TMEM117: variants seen among roughly 807,000 people sequenced by gnomAD.
TMEM117 encodes the protein transmembrane protein 117.
TMEM117 carries 27 observed loss-of-function variants against 52.4 expected under a neutral mutation model. That is an observed-to-expected ratio of 0.51 (90% CI 0.38 to 0.71). The LOEUF (loss-of-function observed/expected upper bound fraction) is 0.71, where lower values mean the gene tolerates loss of function less well. Ranked by LOEUF, TMEM117 falls within the 30% of genes least tolerant of loss-of-function variation. The pLI, the probability that TMEM117 is intolerant of heterozygous loss-of-function variation, is 0.00. For synonymous variants in TMEM117, 215 were observed against 206.3 expected (o/e 1.04, Z -0.36); for missense variants, 556 against 630.5 (o/e 0.88, Z 1.26).
intron 4 of TMEM117, among the ~76,000 whole-genome samples, chr12:44,201,196 CAA>C (rs539906641): frequency 5.5e-4 from 84 of 152,088 alleles, no homozygotes; most frequent in Middle Eastern, 3.4e-3. Context: ...GAAGATGAAA[CAA>C]GAGATGGTGG....
intron 2 of TMEM117, among the ~76,000 whole-genome samples, chr12:43,933,949 G>T (rs551414576): frequency 6.6e-6 from 1 of 152,228 alleles, no homozygotes; most frequent in Non-Finnish European, 1.5e-5. Flanking sequence ...AAAGAATTTT[G>T]ATTATTAAAT....
upstream of TMEM117, among the ~76,000 whole-genome samples, chr12:43,835,393 T>C (rs959331576): frequency 3.9e-5 from 6 of 152,236 alleles, no homozygotes; most frequent in African/African-American, 1.2e-4. Context: ...TATGCATGTG[T>C]ATACGTGTGC....
Position 44,268,277 on chromosome 12 carries a change from G to A in TMEM117, c.609-31303G>A, listed in dbSNP as rs150721285. Among the ~76,000 whole-genome samples the A allele has an allele frequency of 2.4e-3, 365 of 151,944 alleles. 11 individuals are homozygous for A. In the East Asian group the frequency reaches 0.035, roughly 15 times the overall value. On this transcript the variant is annotated intron_variant, in intron 5 of 7. Transcript: ENST00000266534. ...CTCAAGCTCCCAAGTAGCTAGGACTGCAGACATGCACCGCCATGCCTGGCT... is the reference window on the plus strand; with the variant it reads ...CTCAAGCTCCCAAGTAGCTAGGACTACAGACATGCACCGCCATGCCTGGCT...
intron 3 of TMEM117, among the ~76,000 whole-genome samples, chr12:44,045,828 G>C (rs1388841412): frequency 6.6e-6 from 1 of 152,098 alleles, no homozygotes; most frequent in African/African-American, 2.4e-5. Context: ...GGGCGACCGT[G>C]CGAGACTCAA....
At chr12:43,955,342 G>T (rs955614356) in intron 3 of TMEM117, among the ~76,000 whole-genome samples, 2 of 152,146 alleles carry the variant, frequency 1.3e-5, no homozygotes, top group East Asian at 3.9e-4. Flanking sequence ...AAGAAGAGCG[G>T]AAGTCAATTT....
At chr12:44,097,399 TAA>T (rs113408209) in intron 3 of TMEM117, among the ~76,000 whole-genome samples, 18,743 of 151,874 alleles carry the variant, frequency 0.12, 1,412 homozygotes, top group African/African-American at 0.21. Context: ...CATGCTGCAA[TAA>T]AGAGACATGC....
intron 3 of TMEM117, among the ~76,000 whole-genome samples, chr12:43,997,690 C>T (rs1946054200): frequency 2.0e-5 from 3 of 152,112 alleles, no homozygotes; most frequent in African/African-American, 2.4e-5. Flanking sequence ...GCATGGGCCT[C>T]GCATGAATTA....
chr12:43,875,079 T>C (rs1020646101), intron 2 of TMEM117, among the ~76,000 whole-genome samples: 3 of 152,234 alleles, frequency 2.0e-5, no homozygotes, highest in Admixed American at 6.5e-5. Context: ...CTCTATAATT[T>C]TGAGCTGCAA....
chr12:43,943,262 C>A (rs931046875), intron 2 of TMEM117, among the ~76,000 whole-genome samples: 24 of 150,202 alleles, frequency 1.6e-4, no homozygotes, highest in African/African-American at 5.4e-4. Flanking sequence ...ATATGCACAT[C>A]ATCTCCATTA....
intron 6 of TMEM117, among the ~76,000 whole-genome samples, chr12:44,374,199 A>T (rs763100421): frequency 1.3e-5 from 2 of 152,192 alleles, no homozygotes; most frequent in Non-Finnish European, 2.9e-5. Context: ...CTCGAGAATG[A>T]TGAGTCTGAA....
chr12:43,841,325 C>T (rs1232364595), intron 1 of TMEM117, among the ~76,000 whole-genome samples: 1 of 152,168 alleles, frequency 6.6e-6, no homozygotes, highest in Non-Finnish European at 1.5e-5. Context: ...AGTCTGGATT[C>T]AAATCCTGAT....
chr12:43,919,059 A>C (rs774270053), intron 2 of TMEM117, among the ~76,000 whole-genome samples: 1 of 152,178 alleles, frequency 6.6e-6, no homozygotes, highest in Non-Finnish European at 1.5e-5. Flanking sequence ...TCGGTGTTGT[A>C]TCTCCAGCCC....
At chr12:44,062,889 A>G (rs1565812587) in intron 3 of TMEM117, among the ~76,000 whole-genome samples, 1 of 152,376 alleles carries the variant, frequency 6.6e-6, no homozygotes, top group East Asian at 1.9e-4. Flanking sequence ...AATTGTGGCC[A>G]TAATGGTGGG....
Position 44,124,437 on chromosome 12 carries a change from A to G in TMEM117, c.411-19088A>G, listed in dbSNP as rs143792454. 5.3e-3 allele frequency among the ~76,000 whole-genome samples: 803 copies of G among 152,278 alleles called. 4 individuals carry two copies. The highest frequency in any genetic ancestry group is 7.9e-3 in the Non-Finnish European group (539 of 68,016). ...TGCCCTGGCCAGAACATTCAATACTATGTTGAATAGGAGTGATGAGAGAGG... is the reference window on the plus strand; with the variant it reads ...TGCCCTGGCCAGAACATTCAATACTGTGTTGAATAGGAGTGATGAGAGAGG... On this transcript the variant is annotated intron_variant, in intron 3 of 7. Coordinates refer to ENST00000266534, the MANE Select transcript of TMEM117 (RefSeq NM_032256.3).
At chr12:44,139,234 C>T (rs1426398412) in intron 3 of TMEM117, among the ~76,000 whole-genome samples, 1 of 152,070 alleles carries the variant, frequency 6.6e-6, no homozygotes, top group Non-Finnish European at 1.5e-5. Context: ...CAGACTCAAC[C>T]ACTAAATCAC....
At chr12:44,131,961 G>C (rs959241977) in intron 3 of TMEM117, among the ~76,000 whole-genome samples, 2 of 151,698 alleles carry the variant, frequency 1.3e-5, no homozygotes, top group Non-Finnish European at 2.9e-5. Context: ...ATTTCATTTT[G>C]AGCTTTTTAT....
chr12:44,064,192 G>A (rs569595294), intron 3 of TMEM117, among the ~76,000 whole-genome samples: 2 of 152,200 alleles, frequency 1.3e-5, no homozygotes, highest in Admixed American at 1.3e-4. Flanking sequence ...GCAAGTCAGG[G>A]AGGAGATGCT....
intron 3 of TMEM117, among the ~76,000 whole-genome samples, chr12:44,138,668 C>T (rs1467708943): frequency 2.0e-5 from 3 of 152,164 alleles, no homozygotes; most frequent in East Asian, 1.9e-4. Flanking sequence ...TTACAGGCTA[C>T]AGCTAACAAT....
intron 2 of TMEM117, among the ~76,000 whole-genome samples, chr12:43,893,591 C>G (rs971035423): frequency 9.8e-5 from 15 of 152,300 alleles, no homozygotes; most frequent in African/African-American, 3.6e-4. Flanking sequence ...ATTATATACT[C>G]AATTCTCTTT....
Sources: gnomAD v4.1 joint callset for allele counts (sites outside exome capture counted in the v4.1 genomes callset) on GRCh38, gnomAD v4.1.1 for gene constraint, MANE v1.5 for transcripts, NCBI Gene and HGNC (gene_info 2026-07-23, HGNC 2026-07-21) for gene names.